The following UCK2 variants were observed in gnomAD, a reference collection of about 807,000 sequenced individuals.
UCK2 encodes the protein uridine-cytidine kinase 2, also known as cytidine monophosphokinase 2.
Under a neutral mutation model 30.8 loss-of-function variants are expected in UCK2, and 6 were observed. The ratio of observed to expected loss-of-function variants is 0.19; its 90% confidence interval spans 0.11 to 0.38. The LOEUF is 0.38. Among genes scored for constraint, UCK2 ranks in the 10% least tolerant of loss-of-function variants. The pLI, the probability that UCK2 is intolerant of heterozygous loss-of-function variation, is 1.00. For missense variants in UCK2, 210 were observed against 339.8 expected, an observed-to-expected ratio of 0.62 and a Z score of 3.00; for synonymous variants, 125 against 133.6, an observed-to-expected ratio of 0.94 and a Z score of 0.45.
chr1:165,872,422 G>A (rs923138195), intron 1 of UCK2, among the ~76,000 whole-genome samples: 2 of 152,260 alleles, frequency 1.3e-5, no homozygotes, highest in African/African-American at 4.8e-5. Context: ...AAATAGGACA[G>A]CAAATTAAAC....
intron 1 of UCK2, among the ~76,000 whole-genome samples, chr1:165,853,992 A>T (rs977834643): frequency 2.6e-5 from 4 of 152,224 alleles, no homozygotes; most frequent in Non-Finnish European, 5.9e-5. Context: ...AGATTCTTGG[A>T]TGCTGAATGT....
At chr1:165,861,655 A>AAAAAAAAAAAT (rs1654908271) in intron 1 of UCK2, among the ~76,000 whole-genome samples, 1 of 91,528 alleles carries the variant, frequency 1.1e-5, no homozygotes, top group Non-Finnish European at 2.2e-5. Context: ...AAAAACAAAA[A>AAAAAAAAAAAT]AAAACAACAG....
chr1:165,869,446 A>G (rs543954145), intron 1 of UCK2, among the ~76,000 whole-genome samples: 1 of 152,180 alleles, frequency 6.6e-6, no homozygotes, highest in East Asian at 1.9e-4. Flanking sequence ...ATCCCCACAA[A>G]TGGTATTGCT....
intron 1 of UCK2, among the ~76,000 whole-genome samples, chr1:165,889,893 C>A (rs1234383446): frequency 2.0e-5 from 3 of 151,962 alleles, no homozygotes; most frequent in African/African-American, 7.3e-5. Context: ...CTCCCTGTGT[C>A]CATGCATTCT....
chr1:165,861,982 A>T (rs1269010497), intron 1 of UCK2, among the ~76,000 whole-genome samples: 1 of 152,208 alleles, frequency 6.6e-6, no homozygotes, highest in Non-Finnish European at 1.5e-5. Flanking sequence ...AGGAGTTCTG[A>T]TGGAAGCCCT....
At chr1:165,878,580 G>A (rs1388406005) in intron 1 of UCK2, among the ~76,000 whole-genome samples, 3 of 152,228 alleles carry the variant, frequency 2.0e-5, no homozygotes, top group South Asian at 4.1e-4. Flanking sequence ...TCCTAAACTC[G>A]TCATCTGCCC....
chr1:165,837,353 A>G (rs1355292413), intron 1 of UCK2, among the ~76,000 whole-genome samples: 1 of 152,202 alleles, frequency 6.6e-6, no homozygotes, highest in Non-Finnish European at 1.5e-5. Flanking sequence ...CACACAAAGT[A>G]CTTCTTGAAT....
chr1:165,834,904 C>T (rs946570679), intron 1 of UCK2, among the ~76,000 whole-genome samples: 2 of 152,080 alleles, frequency 1.3e-5, no homozygotes, highest in African/African-American at 2.4e-5. Context: ...TTGCCTGGTA[C>T]GTACATGGCA....
At chr1:165,857,967 C>T (rs917255530) in intron 1 of UCK2, among the ~76,000 whole-genome samples, 6 of 152,182 alleles carry the variant, frequency 3.9e-5, no homozygotes, top group Admixed American at 3.9e-4. Flanking sequence ...AGAATTGGTA[C>T]AGAAGGAGTT....
At chr1:165,827,975 C>T (rs1169931286) in intron 1 of UCK2, 43 bp downstream of exon 1, 6 of 1,252,944 alleles carry the variant, frequency 4.8e-6, no homozygotes, top group East Asian at 3.2e-5. Flanking sequence ...CGGCTTCTGT[C>T]CCTGGGCGGC....
chr1:165,882,210 A>G (rs1655517154), intron 1 of UCK2, among the ~76,000 whole-genome samples: 1 of 152,198 alleles, frequency 6.6e-6, no homozygotes, highest in African/African-American at 2.4e-5. Context: ...GTGTATGTTC[A>G]TCACCCTACC....
intron 1 of UCK2, among the ~76,000 whole-genome samples, chr1:165,828,353 C>T (rs932283642): frequency 1.3e-5 from 2 of 152,184 alleles, no homozygotes; most frequent in Non-Finnish European, 2.9e-5. Flanking sequence ...CAGACGTGCT[C>T]GCCCCGCGGC....
intron 1 of UCK2, among the ~76,000 whole-genome samples, chr1:165,884,590 G>A (rs1422177094): frequency 2.0e-5 from 3 of 152,202 alleles, no homozygotes; most frequent in African/African-American, 4.8e-5. Flanking sequence ...ACAAAGAGGC[G>A]ACAGAGCTGA....
At chr1:165,873,367 GCATA>G (rs1655251221) in intron 1 of UCK2, among the ~76,000 whole-genome samples, 1 of 152,204 alleles carries the variant, frequency 6.6e-6, no homozygotes, top group African/African-American at 2.4e-5. Flanking sequence ...TACCATGCAT[GCATA>G]TAAACACGGA....
At chr1:165,857,669 G>C (rs1166662201) in intron 1 of UCK2, among the ~76,000 whole-genome samples, 1 of 152,210 alleles carries the variant, frequency 6.6e-6, no homozygotes, top group Non-Finnish European at 1.5e-5. Context: ...GTACGTAGCA[G>C]GAGTGAGAGG....
chr1:165,906,176 A>T (rs1438568804), intron 6 of UCK2, among the ~76,000 whole-genome samples: 1 of 152,172 alleles, frequency 6.6e-6, no homozygotes, highest in Non-Finnish European at 1.5e-5. Context: ...ACGGGGACAG[A>T]CATGCACTTG....
chr1:165,849,115 G>A (rs1165290656), intron 1 of UCK2, among the ~76,000 whole-genome samples: 1 of 152,044 alleles, frequency 6.6e-6, no homozygotes, highest in Non-Finnish European at 1.5e-5. Flanking sequence ...GAAGAGCAGA[G>A]GTTTCTTAAG....
chr1:165,861,920 T>C (rs961164833), intron 1 of UCK2, among the ~76,000 whole-genome samples: 1 of 152,242 alleles, frequency 6.6e-6, no homozygotes, highest in African/African-American at 2.4e-5. Context: ...CAGCAAATTA[T>C]GTTATCATTT....
intron 1 of UCK2, among the ~76,000 whole-genome samples, chr1:165,866,269 T>C (rs1168897147): frequency 6.6e-6 from 1 of 152,210 alleles, no homozygotes; most frequent in Non-Finnish European, 1.5e-5. Context: ...TCTATAACTG[T>C]GAAAATGGCT....
Sources: allele counts gnomAD v4.1 joint callset (sites outside exome capture counted in the v4.1 genomes callset), GRCh38; gene constraint gnomAD v4.1.1; transcripts MANE v1.5; gene names NCBI Gene and HGNC (gene_info 2026-07-23, HGNC 2026-07-21).